PDS5B: variants seen among roughly 807,000 people sequenced by gnomAD.
The protein encoded by PDS5B is sister chromatid cohesion protein PDS5 homolog B.
Under a neutral mutation model 184.1 loss-of-function variants are expected in PDS5B, and 51 were observed. The ratio of observed to expected loss-of-function variants is 0.28; its 90% confidence interval spans 0.22 to 0.35. The LOEUF (loss-of-function observed/expected upper bound fraction) is 0.35. Among genes scored for constraint, PDS5B ranks in the 10% least tolerant of loss-of-function variants. The pLI is 1.00. For synonymous variants in PDS5B, 566 were observed against 569.2 expected (o/e 0.99, Z 0.08); for missense variants, 1,180 against 1,723.3 (o/e 0.68, Z 5.58).
rs755633896 is a variant in PDS5B at position 32,678,918 on chromosome 13, A to C, written c.1046A>C (p.Lys349Thr). The change falls in exon 10 of 35, where the codon AAA becomes ACA. Residue 349 changes from lysine (K) to threonine (T), a missense_variant. Lys to Thr is a moderately conservative substitution (Grantham distance 78). Transcript: ENST00000315596. ...CTCATGAACCATCCTGATTTAGCAA[A>C]AGACTTAACAGGTACTATATATATG... ...HCLMNHPDLA[K>T]DLTEYLKVRS... 1 of 1,553,312 alleles carries C rather than the reference A, an allele frequency of 6.4e-7. No individual in the cohort carries two copies. The highest frequency in any genetic ancestry group is 8.9e-7 in the Non-Finnish European group (1 of 1,124,620).
chr13:32,656,619 CA>C (rs1349251264), intron 3 of PDS5B, among the ~76,000 whole-genome samples: 3 of 128,760 alleles, frequency 2.3e-5, no homozygotes, highest in Non-Finnish European at 4.8e-5. Flanking sequence ...TTTTAAAAGA[CA>C]AAGTCTGGCT....
intron 19 of PDS5B, among the ~76,000 whole-genome samples, chr13:32,720,686 T>A (rs967055921): frequency 6.6e-6 from 1 of 152,024 alleles, no homozygotes; most frequent in Non-Finnish European, 1.5e-5. Flanking sequence ...GGGTGTTTCT[T>A]GGAGAGGGGG....
At chr13:32,650,534 A>C (rs1038557148) in intron 2 of PDS5B, 2 of 152,148 alleles carry the variant, frequency 1.3e-5, no homozygotes, top group African/African-American at 2.4e-5. Flanking sequence ...ATCTTTTGTT[A>C]AGAGAGCTAC....
chr13:32,625,799 T>C (rs2058361892), intron 1 of PDS5B, among the ~76,000 whole-genome samples: 3 of 151,298 alleles, frequency 2.0e-5, no homozygotes, highest in Admixed American at 2.0e-4. Context: ...AAATGCATTG[T>C]CCTAGGTTTT....
chr13:32,665,280 A>T (rs1200355950), intron 6 of PDS5B, among the ~76,000 whole-genome samples: 27 of 152,172 alleles, frequency 1.8e-4, no homozygotes, highest in Non-Finnish European at 2.9e-5. Flanking sequence ...TAAGTTTTTA[A>T]AATTTTGTTT....
intron 1 of PDS5B, among the ~76,000 whole-genome samples, chr13:32,600,444 A>G (rs1192853139): frequency 6.6e-6 from 1 of 152,204 alleles, no homozygotes; most frequent in East Asian, 1.9e-4. Context: ...GTCTATAGAA[A>G]GTCTGAGGCG....
At chr13:32,588,200 G>A (rs2057721374) in intron 1 of PDS5B, among the ~76,000 whole-genome samples, 1 of 152,174 alleles carries the variant, frequency 6.6e-6, no homozygotes, top group Non-Finnish European at 1.5e-5. Context: ...AGGTCAGTTC[G>A]TGCAACAATT....
At chr13:32,728,017 A>G (rs368940648) in intron 19 of PDS5B, among the ~76,000 whole-genome samples, 2 of 151,094 alleles carry the variant, frequency 1.3e-5, no homozygotes, top group South Asian at 4.2e-4. Context: ...GATAGTTTCT[A>G]TTGCTGTGTC....
In PDS5B at chr13:32,764,531, C is replaced by T; in HGVS notation, c.3561C>T (p.Tyr1187=). ...SEMDHSENED[Y]TMSSPLPGKK... ...TGGATCACAGTGAAAATGAAGATTA[C>T]ACAATGTCTTCACCTTTGCCGGGGA... is the stretch of plus-strand genomic sequence containing the variant. Residue 1187 remains tyrosine (Y), a synonymous_variant, in exon 31 of 35, where the codon TAC becomes TAT. Transcript: ENST00000315596. 1 of 1,606,224 alleles carries T rather than the reference C, an allele frequency of 6.2e-7. No homozygotes were observed.
At chr13:32,714,042 G>GC (rs1379597826) in intron 19 of PDS5B, among the ~76,000 whole-genome samples, 2 of 152,122 alleles carry the variant, frequency 1.3e-5, no homozygotes, top group East Asian at 3.9e-4. Context: ...GATCCGTGAT[G>GC]CCCCACAAGC....
chr13:32,647,707 T>G (rs1950263029), intron 1 of PDS5B, among the ~76,000 whole-genome samples: 1 of 152,242 alleles, frequency 6.6e-6, no homozygotes, highest in Non-Finnish European at 1.5e-5. Context: ...TAATTTTTTT[T>G]GTTTCCTGTA....
At chr13:32,749,479 A>G (rs1593596483) in intron 24 of PDS5B, among the ~76,000 whole-genome samples, 1 of 121,280 alleles carries the variant, frequency 8.2e-6, no homozygotes, top group African/African-American at 3.7e-5. Flanking sequence ...TAATAAAACA[A>G]TATGAATTTT....
At chr13:32,614,429 C>T (rs2058189606) in intron 1 of PDS5B, among the ~76,000 whole-genome samples, 1 of 151,800 alleles carries the variant, frequency 6.6e-6, no homozygotes, top group Non-Finnish European at 1.5e-5. Context: ...TCTAGAGTAG[C>T]TGGGATTATA....
At chr13:32,700,713 A>G (rs556764054) in intron 16 of PDS5B, among the ~76,000 whole-genome samples, 10 of 152,098 alleles carry the variant, frequency 6.6e-5, no homozygotes, top group Non-Finnish European at 1.5e-4. Context: ...CATAGTTTCT[A>G]TCTTTAGGTA....
At chr13:32,760,862 C>CACA in intron 30 of PDS5B, 142 bp downstream of exon 30, 1 of 795,558 alleles carries the variant, frequency 1.3e-6, no homozygotes, top group Non-Finnish European at 2.0e-6. Flanking sequence ...CATTGGTAGT[C>CACA]ACAAGTTCAT....
intron 26 of PDS5B, 39 bp from the exon 27 acceptor site, chr13:32,758,048 T>C (rs771847628): frequency 1.1e-6 from 1 of 935,630 alleles, no homozygotes; most frequent in South Asian, 2.4e-5. Flanking sequence ...AAAGGATGAT[T>C]TTCTTCTATA....
intron 30 of PDS5B, chr13:32,763,599 A>T (rs1176645462): frequency 6.6e-6 from 1 of 152,054 alleles, no homozygotes; most frequent in Non-Finnish European, 1.5e-5. Flanking sequence ...TTTCTAATGG[A>T]TTAGATGTGA....
intron 1 of PDS5B, among the ~76,000 whole-genome samples, chr13:32,603,309 A>G (rs1017549691): frequency 6.6e-6 from 1 of 152,242 alleles, no homozygotes; most frequent in Non-Finnish European, 1.5e-5. Context: ...AGCTTTCTAC[A>G]TATGGGCTAG....
intron 1 of PDS5B, among the ~76,000 whole-genome samples, chr13:32,631,634 C>T (rs1166328402): frequency 6.6e-6 from 1 of 151,990 alleles, no homozygotes; most frequent in Non-Finnish European, 1.5e-5. Context: ...TGGCAGAGCC[C>T]AATGTTTTAG....
Sources: allele counts gnomAD v4.1 joint callset (sites outside exome capture counted in the v4.1 genomes callset), GRCh38; gene constraint gnomAD v4.1.1; transcripts MANE v1.5; gene names NCBI Gene and HGNC (gene_info 2026-07-23, HGNC 2026-07-21).